GALNTL6: variants seen among roughly 807,000 people sequenced by gnomAD.
GALNTL6 encodes the protein polypeptide N-acetylgalactosaminyltransferase-like 6.
GALNTL6 carries 46 observed loss-of-function variants against 73.7 expected under a neutral mutation model. The observed-to-expected ratio is 0.62, with a 90% confidence interval of 0.49 to 0.80. The LOEUF (loss-of-function observed/expected upper bound fraction) is 0.80, where lower values mean the gene tolerates loss of function less well. Among genes scored for constraint, GALNTL6 ranks in the 30% least tolerant of loss-of-function variants. GALNTL6 has a pLI of 0.00. For synonymous variants in GALNTL6, 259 were observed against 263.7 expected, an observed-to-expected ratio of 0.98 and a Z score of 0.17; for missense variants, 604 against 755.0, an observed-to-expected ratio of 0.80 and a Z score of 2.34.
rs573217339 is a variant in GALNTL6, at chr4:173,006,744, GC to G, written c.1372-2433del. Among the ~76,000 whole-genome samples, 536 of 152,296 alleles carry G rather than the reference GC, an allele frequency of 3.5e-3. 3 individuals are homozygous for G. The highest frequency in any genetic ancestry group is 0.012 in the African/African-American group (507 of 41,560). ...ACTAGTTCCCAAGGGGTCAGGGCAG[GC>G]ATTTTCCCTAATTCAGGGTTCAAAT... On this transcript the variant is annotated intron_variant, in intron 10 of 12. Coordinates refer to ENST00000506823, the MANE Select transcript of GALNTL6 (RefSeq NM_001034845.3).
chr4:172,283,339 G>T (rs1451008109), intron 3 of GALNTL6, among the ~76,000 whole-genome samples: 1 of 151,990 alleles, frequency 6.6e-6, no homozygotes, highest in Non-Finnish European at 1.5e-5. Flanking sequence ...GAATTGTTCA[G>T]GAAAAAATTA....
intron 8 of GALNTL6, among the ~76,000 whole-genome samples, chr4:172,916,741 T>C (rs1220719949): frequency 6.6e-6 from 1 of 151,194 alleles, no homozygotes; most frequent in Non-Finnish European, 1.5e-5. Flanking sequence ...CTCAATGAAA[T>C]AAAAGAGGAC....
At chr4:172,252,746 A>T (rs1304891270) in intron 3 of GALNTL6, among the ~76,000 whole-genome samples, 1 of 152,028 alleles carries the variant, frequency 6.6e-6, no homozygotes, top group Non-Finnish European at 1.5e-5. Flanking sequence ...AAAGAGGAAG[A>T]TTTCTCAATG....
intron 3 of GALNTL6, among the ~76,000 whole-genome samples, chr4:172,304,658 A>G (rs1171041983): frequency 6.6e-6 from 1 of 152,212 alleles, no homozygotes; most frequent in Non-Finnish European, 1.5e-5. Context: ...AAAATACTTT[A>G]AAGTGTCACT....
intron 5 of GALNTL6, among the ~76,000 whole-genome samples, chr4:172,711,500 TG>T (rs1360287270): frequency 6.6e-6 from 1 of 152,066 alleles, no homozygotes; most frequent in African/African-American, 2.4e-5. Context: ...CTCTGGCTTT[TG>T]GGTGAATATA....
At chr4:172,185,292 C>T (rs1735383924) in intron 2 of GALNTL6, among the ~76,000 whole-genome samples, 1 of 152,140 alleles carries the variant, frequency 6.6e-6, no homozygotes, top group Non-Finnish European at 1.5e-5. Flanking sequence ...TTTACTATGA[C>T]AGTGATATAG....
At chr4:172,935,065 C>T (rs949812781) in intron 9 of GALNTL6, among the ~76,000 whole-genome samples, 1 of 152,130 alleles carries the variant, frequency 6.6e-6, no homozygotes, top group Non-Finnish European at 1.5e-5. Context: ...AGAGCAGTCA[C>T]CCCACGGCTA....
chr4:172,795,381 T>C (rs1740206756), intron 5 of GALNTL6, among the ~76,000 whole-genome samples: 1 of 152,112 alleles, frequency 6.6e-6, no homozygotes, highest in South Asian at 2.1e-4. Context: ...TATGGGCTTA[T>C]GGTTTGGCAA....
At chr4:172,303,446 C>A (rs1740012175) in intron 3 of GALNTL6, among the ~76,000 whole-genome samples, 1 of 152,172 alleles carries the variant, frequency 6.6e-6, no homozygotes, top group South Asian at 2.1e-4. Flanking sequence ...CACACTCTTG[C>A]CATACCAAAC....
At chr4:172,142,999 G>GGATAGATA (rs893239296) in intron 2 of GALNTL6, among the ~76,000 whole-genome samples, 245 of 151,872 alleles carry the variant, frequency 1.6e-3, no homozygotes, top group African/African-American at 5.3e-3. Flanking sequence ...ATGTATGTAT[G>GGATAGATA]GATAGATAGA....
At chr4:172,100,690 T>C (rs2110959538) in intron 2 of GALNTL6, among the ~76,000 whole-genome samples, 1 of 152,290 alleles carries the variant, frequency 6.6e-6, no homozygotes, top group African/African-American at 2.4e-5. Context: ...TTGGCATTAT[T>C]ATCTCAGTTT....
chr4:172,255,317 A>G (rs946089705), intron 3 of GALNTL6, among the ~76,000 whole-genome samples: 5 of 67,282 alleles, frequency 7.4e-5, no homozygotes, highest in African/African-American at 2.0e-4. Context: ...CACTGTGCTG[A>G]GAAGTAGACA....
chr4:172,288,274 G>T (rs1162772874), intron 3 of GALNTL6, among the ~76,000 whole-genome samples: 1 of 151,942 alleles, frequency 6.6e-6, no homozygotes, highest in Non-Finnish European at 1.5e-5. Context: ...TGTATTTTTA[G>T]TAGAGACGGG....
chr4:172,338,246 A>G (rs1371233678), intron 4 of GALNTL6, among the ~76,000 whole-genome samples: 2 of 151,870 alleles, frequency 1.3e-5, no homozygotes, highest in African/African-American at 4.8e-5. Context: ...CCAATTCTTT[A>G]TCTGCCATTT....
At chr4:172,829,984 T>G (rs569437628) in intron 7 of GALNTL6, among the ~76,000 whole-genome samples, 1 of 152,336 alleles carries the variant, frequency 6.6e-6, no homozygotes, top group South Asian at 2.1e-4. Context: ...TCCCCATAAG[T>G]ATACATATAT....
chr4:172,046,101 G>A (rs1342221668), intron 2 of GALNTL6, among the ~76,000 whole-genome samples: 2 of 151,856 alleles, frequency 1.3e-5, no homozygotes, highest in Non-Finnish European at 2.9e-5. Context: ...ATTCATTGAT[G>A]GACATTTGAT....
chr4:172,113,436 T>G (rs1475207523), intron 2 of GALNTL6, among the ~76,000 whole-genome samples: 1 of 152,072 alleles, frequency 6.6e-6, no homozygotes, highest in African/African-American at 2.4e-5. Flanking sequence ...AAAATAGTTC[T>G]TAAAATCAGA....
At chr4:173,000,323 G>A (rs1029108573) in intron 10 of GALNTL6, among the ~76,000 whole-genome samples, 4 of 151,900 alleles carry the variant, frequency 2.6e-5, no homozygotes, top group African/African-American at 7.3e-5. Context: ...TATGTCTCCC[G>A]AAAAATAAAT....
intron 5 of GALNTL6, among the ~76,000 whole-genome samples, chr4:172,430,099 A>C (rs1731385381): frequency 2.6e-5 from 4 of 151,992 alleles, no homozygotes; most frequent in Non-Finnish European, 4.4e-5. Context: ...ATACATATAT[A>C]TATCTGTGAA....
Sources: allele counts gnomAD v4.1 joint callset (sites outside exome capture counted in the v4.1 genomes callset), GRCh38; gene constraint gnomAD v4.1.1; transcripts MANE v1.5; gene names NCBI Gene and HGNC (gene_info 2026-07-23, HGNC 2026-07-21).